The following RPP30 variants were observed in gnomAD, a reference collection of about 807,000 sequenced individuals.
RPP30 encodes the protein ribonuclease P protein subunit p30.
In RPP30, 36 loss-of-function variants were observed where a neutral mutation model predicts 38.6. The ratio of observed to expected loss-of-function variants is 0.93; its 90% CI spans 0.71 to 1.23. RPP30 has a LOEUF of 1.23. Among genes scored for constraint, RPP30 ranks in the 50% most tolerant of loss-of-function variants. RPP30 has a pLI of 0.00. For synonymous variants in RPP30, 126 were observed against 112.7 expected, an observed-to-expected ratio of 1.12 and a Z score of -0.75; for missense variants, 321 against 321.7, an observed-to-expected ratio of 1.00 and a Z score of 0.02.
chr10:90,888,548 TAG>T (rs1364812932), intron 6 of RPP30, among the ~76,000 whole-genome samples: 1 of 152,182 alleles, frequency 6.6e-6, no homozygotes, highest in African/African-American at 2.4e-5. Flanking sequence ...ATGTTGAACT[TAG>T]CATATCAGGG....
intron 6 of RPP30, among the ~76,000 whole-genome samples, chr10:90,893,035 A>G (rs1847101519): frequency 6.6e-6 from 1 of 152,254 alleles, no homozygotes; most frequent in African/African-American, 2.4e-5. Context: ...TCCCAGAAAT[A>G]ATCAACACAG....
Position 90,900,805 on chromosome 10 carries a change from AAC to A in RPP30, c.*128_*129del, listed in dbSNP as rs1847191597. 2.1e-6 allele frequency: 3 copies of A among 1,399,854 alleles called. No homozygotes were observed. The highest frequency in any genetic ancestry group is 3.1e-5 in the Admixed American group (1 of 32,536). The allele number at this position is 1,399,854 out of a possible 1,614,324, so 86.7% of individuals were successfully genotyped here. A position where few individuals can be genotyped will look rare whatever the true frequency, so the allele number is the denominator to read the frequency against. On this transcript the variant is annotated 3_prime_UTR_variant, in exon 11 of 11. Coordinates refer to ENST00000371703, the MANE Select transcript of RPP30 (RefSeq NM_006413.5). ...GAGCTAGAAATCAATAGTCTATAAAAACAGTTTTACTTGCAATCCATTAAAAC... is the reference window on the plus strand; with the variant it reads ...GAGCTAGAAATCAATAGTCTATAAAAAGTTTTACTTGCAATCCATTAAAAC...
downstream of RPP30, chr10:90,902,481 A>G (rs928637996): frequency 2.2e-5 from 4 of 182,074 alleles, no homozygotes; most frequent in Admixed American, 1.2e-4. Context: ...CAGCATCCCA[A>G]AGTGCTGGGA....
Position 90,879,139 on chromosome 10 carries a change from G to A in RPP30, c.342+5G>A. ...AAGACAGAAAAGCTTTTTCATGTGA[G>A]TAACAGATAAGTAAAAGAAAGTAGT... is the stretch of plus-strand genomic sequence containing the variant. On this transcript the variant is annotated splice_donor_5th_base_variant and intron_variant, in intron 5 of 10. Transcript: ENST00000371703. 1 of 1,609,178 alleles carries A rather than the reference G, an allele frequency of 6.2e-7. No individual in the cohort carries two copies. The highest frequency in any genetic ancestry group is 8.5e-7 in the Non-Finnish European group (1 of 1,175,570).
intron 2 of RPP30, among the ~76,000 whole-genome samples, chr10:90,875,161 C>T (rs1453983759): frequency 1.3e-5 from 2 of 152,132 alleles, no homozygotes; most frequent in Non-Finnish European, 2.9e-5. Flanking sequence ...AATTAAGTTA[C>T]TTTTCACTGT....
chr10:90,885,281 T>C (rs111908968), intron 5 of RPP30, among the ~76,000 whole-genome samples: 205 of 152,344 alleles, frequency 1.3e-3, no homozygotes, highest in African/African-American at 4.6e-3. Flanking sequence ...TTCCTTCTAT[T>C]AGTATTTGAA....
exon 5 of RPP30, chr10:90,908,299 C>G (rs972310907): frequency 2.0e-5 from 3 of 152,162 alleles, no homozygotes; most frequent in Non-Finnish European, 4.4e-5. Context: ...ATGTCATGGA[C>G]AATCTCTTTT....
exon 5 of RPP30, chr10:90,908,380 C>T (rs1191295291): frequency 1.3e-5 from 2 of 152,156 alleles, no homozygotes; most frequent in Admixed American, 1.3e-4. Flanking sequence ...TTTTATTGTG[C>T]TTCAATTTAT....
chr10:90,875,579 G>A lies in RPP30; in HGVS notation c.160G>A (p.Val54Ile). ...GTAGGAAATTGAAAAACCAGTAGCT[G>A]TTTCTGAACTCTTCACAACTTTGCC... ...KKQEIEKPVA[V>I]SELFTTLPIV... Residue 54 changes from valine to isoleucine, a missense_variant, in exon 3 of 11, where the codon GTT (valine) becomes ATT (isoleucine). Coordinates refer to ENST00000371703, the MANE Select transcript of RPP30 (RefSeq NM_006413.5). 2 of 1,613,526 alleles carry A rather than the reference G, an allele frequency of 1.2e-6. No individual in the cohort carries two copies. The highest frequency in any genetic ancestry group is 1.7e-6 in the Non-Finnish European group (2 of 1,179,620).
intron 6 of RPP30, among the ~76,000 whole-genome samples, chr10:90,887,213 C>G (rs1345686548): frequency 6.6e-6 from 1 of 151,750 alleles, no homozygotes. Flanking sequence ...AGCAATCCTC[C>G]CACCTCAGCC....
At position 90,879,104 on chromosome 10, in the gene RPP30, A is replaced by G; in HGVS notation, c.312A>G (p.Ala104=). Residue 104 remains alanine, a synonymous_variant, in exon 5 of 11, where the codon GCA becomes GCG. Transcript: ENST00000371703. ...SSRARLYDVV[A]VFPKTEKLFH... is the part of the protein sequence containing the mutation. ...GGGCCCGGCTCTATGATGTTGTTGC[A>G]GTTTTTCCAAAGACAGAAAAGCTTT... is the stretch of plus-strand genomic sequence containing the variant. 1 of 1,614,080 alleles carries G rather than the reference A, an allele frequency of 6.2e-7. No individual in the cohort carries two copies. Among genetic ancestry groups the G allele is most frequent in the Non-Finnish European group, 8.5e-7 (1 of 1,179,986 alleles).
intron 5 of RPP30, among the ~76,000 whole-genome samples, chr10:90,882,688 A>G (rs1846946013): frequency 6.7e-6 from 1 of 149,438 alleles, no homozygotes; most frequent in Non-Finnish European, 1.5e-5. Flanking sequence ...TGGAGGCTGG[A>G]TCCAGTGCCT....
chr10:90,899,081 CACTA>C (rs1214689294), intron 10 of RPP30, among the ~76,000 whole-genome samples: 1 of 152,176 alleles, frequency 6.6e-6, no homozygotes, highest in African/African-American at 2.4e-5. Flanking sequence ...TTTTAAAAGA[CACTA>C]AAGAAATTAA....
chr10:90,885,911 C>T lies in RPP30; in HGVS notation c.432+10C>T, dbSNP rs1846994770. On this transcript the variant is annotated intron_variant, in intron 6 of 10. Transcript: ENST00000371703. ...ACCTCCTATTAATGTGGTAAGTGTA[C>T]TTTCCATTCTGTATTTGAATCTTAG... 1 of 1,501,572 alleles carries T rather than the reference C, an allele frequency of 6.7e-7. No individual in the cohort carries two copies. The highest frequency in any genetic ancestry group is 9.2e-7 in the Non-Finnish European group (1 of 1,090,546). The allele number at this position is 1,501,572 out of a possible 1,614,324, so 93.0% of individuals were successfully genotyped here. A position where few individuals can be genotyped will look rare whatever the true frequency, so the allele number is the denominator to read the frequency against.
chr10:90,872,254 GGTT>G (rs1366204470), intron 1 of RPP30, 186 bp downstream of exon 1: 2 of 608,144 alleles, frequency 3.3e-6, no homozygotes, highest in African/African-American at 1.9e-5. Flanking sequence ...AGGTTCTGGG[GGTT>G]GTTATCTGGT....
chr10:90,900,798 C>CTA lies in RPP30; in HGVS notation c.*122_*123dup. On this transcript the variant is annotated 3_prime_UTR_variant, in exon 11 of 11. Coordinates refer to ENST00000371703, the MANE Select transcript of RPP30 (RefSeq NM_006413.5). ...TCATTTGGAGCTAGAAATCAATAGT[C>CTA]TATAAAAACAGTTTTACTTGCAATC... 1 of 1,411,218 alleles carries CTA rather than the reference C, an allele frequency of 7.1e-7. No individual in the cohort carries two copies. Among genetic ancestry groups the CTA allele is most frequent in the Non-Finnish European group, 9.2e-7 (1 of 1,083,208 alleles). The allele number at this position is 1,411,218 out of a possible 1,614,324, so 87.4% of individuals were successfully genotyped here.
chr10:90,885,943 A>G, intron 6 of RPP30, 42 bp downstream of exon 6: 1 of 1,251,232 alleles, frequency 8.0e-7, no homozygotes, highest in East Asian at 2.4e-5. Context: ...TTAGAAACTT[A>G]CATTAGCAAA....
downstream of RPP30, among the ~76,000 whole-genome samples, chr10:90,904,082 G>C (rs1448944628): frequency 2.0e-5 from 3 of 152,082 alleles, no homozygotes; most frequent in African/African-American, 7.2e-5. Context: ...GTAAATATGA[G>C]AATTGGAAAT....
intron 6 of RPP30, among the ~76,000 whole-genome samples, chr10:90,888,877 G>C (rs144795027): frequency 2.6e-5 from 4 of 152,114 alleles, no homozygotes; most frequent in Non-Finnish European, 5.9e-5. Flanking sequence ...AAAAAATCTG[G>C]TGTGAACATT....
Sources: gnomAD v4.1 joint callset for allele counts (sites outside exome capture counted in the v4.1 genomes callset) on GRCh38, gnomAD v4.1.1 for gene constraint, MANE v1.5 for transcripts, NCBI Gene and HGNC (gene_info 2026-07-23, HGNC 2026-07-21) for gene names.